FAT3: variants seen among roughly 807,000 people sequenced by gnomAD.
FAT3 encodes FAT atypical cadherin 3.
Under a neutral mutation model 310.2 loss-of-function variants are expected in FAT3, and 95 were observed. The ratio of observed to expected loss-of-function variants is 0.31; its 90% confidence interval spans 0.26 to 0.36. The LOEUF (loss-of-function observed/expected upper bound fraction) is 0.36, where lower values mean the gene tolerates loss of function less well. Ranked by LOEUF, FAT3 falls within the 10% of genes least tolerant of loss-of-function variation. The probability of loss-of-function intolerance (pLI) is 1.00; values close to 1 mark genes in which losing one functional copy is unlikely to be tolerated. For synonymous variants in FAT3, 2,314 were observed against 2,192.9 expected (o/e 1.06, Z -1.54); for missense variants, 5,408 against 5,715.6 (o/e 0.95, Z 1.74).
intron 2 of FAT3, among the ~76,000 whole-genome samples, chr11:92,383,568 A>G (rs937801918): frequency 1.3e-5 from 2 of 152,242 alleles, no homozygotes; most frequent in Admixed American, 6.5e-5. Context: ...AAAAATGTTG[A>G]TGGATACAAG....
intron 1 of FAT3, among the ~76,000 whole-genome samples, chr11:92,302,880 T>C (rs1018758290): frequency 2.0e-5 from 3 of 152,180 alleles, no homozygotes; most frequent in Non-Finnish European, 4.4e-5. Context: ...ATTTACTTAA[T>C]AACAACTGTG....
intron 13 of FAT3, among the ~76,000 whole-genome samples, chr11:92,828,245 C>T (rs1056293884): frequency 2.0e-5 from 3 of 151,994 alleles, no homozygotes; most frequent in African/African-American, 7.2e-5. Context: ...AAAGATGGCA[C>T]CCCATTGCCC....
rs546513267 is a variant in FAT3, at chr11:92,435,277, G to GGTAT, written c.3292+79875_3292+79878dup. Among the ~76,000 whole-genome samples the GGTAT allele has an allele frequency of 3.0e-4, 46 of 152,160 alleles. No homozygotes were observed. The South Asian group carries it at 8.9e-3, about 30-fold the overall frequency. ...GGATGTCTGCCAGAGTCATTCTCAG[G>GGTAT]GTATGCTTAAGCTATTGCTATCAGG... On this transcript the variant is annotated intron_variant, in intron 2 of 27. Coordinates refer to ENST00000525166, the MANE Select transcript of FAT3 (RefSeq NM_001367949.2).
chr11:92,793,121 G>A, intron 9 of FAT3, 144 bp downstream of exon 9: 1 of 736,712 alleles, frequency 1.4e-6, no homozygotes, highest in Non-Finnish European at 2.2e-6. Flanking sequence ...TCCTATTTGG[G>A]AGATGATGGT....
chr11:92,577,481 T>C (rs1488045118), intron 3 of FAT3, among the ~76,000 whole-genome samples: 1 of 152,142 alleles, frequency 6.6e-6, no homozygotes, highest in African/African-American at 2.4e-5. Context: ...CAATATGATG[T>C]TTTAATCCAT....
At position 92,398,700 on chromosome 11, in the gene FAT3, C is replaced by T. The variant is rs186561829; in HGVS notation, c.3292+43296C>T. 4.6e-3 allele frequency among the ~76,000 whole-genome samples: 699 copies of T among 152,218 alleles called. 2 individuals are homozygous for T. The highest frequency in any genetic ancestry group is 0.013 in the Admixed American group (199 of 15,284). On this transcript the variant is annotated intron_variant, in intron 2 of 27. Coordinates refer to ENST00000525166, the MANE Select transcript of FAT3 (RefSeq NM_001367949.2). ...CTCCAACCTATTGTGTTTAGGGAGA[C>T]ACAATTCAACCGATAATAAATAACT... is the stretch of plus-strand genomic sequence containing the variant.
At chr11:92,890,426 C>T (rs2136441393) in intron 27 of FAT3, 65 bp from the exon 28 acceptor site, 1 of 1,535,722 alleles carries the variant, frequency 6.5e-7, no homozygotes, top group Non-Finnish European at 8.8e-7. Flanking sequence ...CTTCCCTGCT[C>T]CTTTCCCAGC....
chr11:92,887,197 C>G lies in FAT3; in HGVS notation c.13051+84C>G, dbSNP rs1312993915. On this transcript the variant is annotated intron_variant, in intron 25 of 27. Coordinates refer to ENST00000525166, the MANE Select transcript of FAT3 (RefSeq NM_001367949.2). ...CATGGTTGGGAGGAGGGTGGTGCAACTGGCTTTGTTTCTCAACCTGTTCAT... is the reference window on the plus strand; with the variant it reads ...CATGGTTGGGAGGAGGGTGGTGCAAGTGGCTTTGTTTCTCAACCTGTTCAT... 3 of 1,204,472 alleles carry G rather than the reference C, an allele frequency of 2.5e-6. No homozygotes were observed. In the East Asian group the frequency reaches 7.6e-5, roughly 31 times the overall value. 74.6% of individuals were successfully genotyped at this position (1,204,472 alleles called of 1,614,324 possible).
At chr11:92,365,220 T>C (rs1948988781) in intron 2 of FAT3, among the ~76,000 whole-genome samples, 1 of 152,148 alleles carries the variant, frequency 6.6e-6, no homozygotes, top group Non-Finnish European at 1.5e-5. Flanking sequence ...CAGTGAGCCA[T>C]GTTTGCATGA....
At chr11:92,465,015 G>A (rs1394848464) in intron 2 of FAT3, among the ~76,000 whole-genome samples, 1 of 152,076 alleles carries the variant, frequency 6.6e-6, no homozygotes. Flanking sequence ...CCAGTGGATG[G>A]CCATTGAAAC....
intron 7 of FAT3, among the ~76,000 whole-genome samples, chr11:92,777,511 C>T (rs1042547031): frequency 1.3e-5 from 2 of 152,136 alleles, no homozygotes; most frequent in Non-Finnish European, 2.9e-5. Context: ...GAACTAAACG[C>T]AAGAACAAAG....
At chr11:92,812,684 T>C (rs553269764) in intron 13 of FAT3, among the ~76,000 whole-genome samples, 1 of 152,258 alleles carries the variant, frequency 6.6e-6, no homozygotes, top group East Asian at 1.9e-4. Context: ...ATTTCCAGCA[T>C]TTTATAAAAA....
chr11:92,643,691 C>T (rs1014775061), intron 3 of FAT3, among the ~76,000 whole-genome samples: 3 of 152,222 alleles, frequency 2.0e-5, no homozygotes, highest in South Asian at 2.1e-4. Flanking sequence ...ATGAATTCCC[C>T]AATTGTGATC....
At chr11:92,269,331 T>A (rs778535733) in intron 1 of FAT3, among the ~76,000 whole-genome samples, 4 of 152,130 alleles carry the variant, frequency 2.6e-5, no homozygotes, top group Non-Finnish European at 4.4e-5. Flanking sequence ...TCAAATCATT[T>A]AGGTCTGTGT....
intron 10 of FAT3, among the ~76,000 whole-genome samples, chr11:92,803,701 C>T (rs969746184): frequency 6.6e-6 from 1 of 152,236 alleles, no homozygotes; most frequent in African/African-American, 2.4e-5. Context: ...GTAGCACATA[C>T]CACCACCATC....
chr11:92,505,329 G>A (rs1246935216), intron 2 of FAT3, among the ~76,000 whole-genome samples: 1 of 152,092 alleles, frequency 6.6e-6, no homozygotes, highest in Non-Finnish European at 1.5e-5. Flanking sequence ...ACTGTTGTTG[G>A]GCTTCTTTGA....
chr11:92,486,144 T>TG (rs1156532431), intron 2 of FAT3, among the ~76,000 whole-genome samples: 1 of 139,866 alleles, frequency 7.1e-6, no homozygotes, highest in Non-Finnish European at 1.5e-5. Context: ...TTTTTTTTTT[T>TG]TTTTTTTTTT....
chr11:92,840,414 G>A (rs577675218), intron 17 of FAT3, 148 bp from the exon 18 acceptor site: 1 of 660,616 alleles, frequency 1.5e-6, no homozygotes, highest in South Asian at 2.4e-5. Flanking sequence ...AATGTCACAG[G>A]GAATCCCTTC....
intron 2 of FAT3, among the ~76,000 whole-genome samples, chr11:92,363,147 G>A (rs1343455009): frequency 6.6e-6 from 1 of 152,176 alleles, no homozygotes; most frequent in Non-Finnish European, 1.5e-5. Flanking sequence ...TCAGCTGGTG[G>A]CCAAGGAAAG....
Sources: allele counts gnomAD v4.1 joint callset (sites outside exome capture counted in the v4.1 genomes callset), GRCh38; gene constraint gnomAD v4.1.1; transcripts MANE v1.5; gene names NCBI Gene and HGNC (gene_info 2026-07-23, HGNC 2026-07-21).